AKAP19: variants seen among roughly 807,000 people sequenced by gnomAD.
The protein encoded by AKAP19 is A-kinase anchoring protein 19.
At chr2:189,990,316 T>G in the AKAP19 span, among the ~76,000 whole-genome samples, 1 of 152,198 alleles carries the variant, frequency 6.6e-6, no homozygotes, top group Admixed American at 6.5e-5. Context: ...TGATCAATCC[T>G]TTGCTCCTAT....
the AKAP19 span, among the ~76,000 whole-genome samples, chr2:190,134,917 T>C: frequency 6.6e-6 from 1 of 152,070 alleles, no homozygotes; most frequent in Non-Finnish European, 1.5e-5. Flanking sequence ...TTATTATATA[T>C]TCCTATAAGT....
the AKAP19 span, among the ~76,000 whole-genome samples, chr2:190,175,217 G>A: frequency 6.6e-6 from 1 of 152,162 alleles, no homozygotes; most frequent in Non-Finnish European, 1.5e-5. Context: ...ACTTCAAAAT[G>A]TACTTAAGTT....
At chr2:190,177,958 C>G in the AKAP19 span, among the ~76,000 whole-genome samples, 1 of 152,204 alleles carries the variant, frequency 6.6e-6, no homozygotes, top group Non-Finnish European at 1.5e-5. This position sits in a 1 kb window ranked among gnomAD's most constrained non-coding sequence, Gnocchi z 4.6. Flanking sequence ...CCACTAAACA[C>G]TTGCTACGGC....
chr2:189,917,624 C>A, the AKAP19 span: 1 of 339,234 alleles, frequency 2.9e-6, no homozygotes, highest in Non-Finnish European at 5.5e-6. Context: ...TCTTGTGAGA[C>A]CTTTTTCTTG....
the AKAP19 span, among the ~76,000 whole-genome samples, chr2:190,144,973 T>C: frequency 1.3e-5 from 2 of 151,598 alleles, no homozygotes; most frequent in Non-Finnish European, 2.9e-5. Flanking sequence ...AGTGAAACTG[T>C]CTCAAAAAAA....
chr2:190,153,973 C>T, the AKAP19 span, among the ~76,000 whole-genome samples: 49 of 152,176 alleles, frequency 3.2e-4, no homozygotes, highest in East Asian at 6.0e-3. Flanking sequence ...CTCTGTGAGA[C>T]GAGATGGGTA....
chr2:190,188,601 ATGAATCAAC>A, the AKAP19 span, among the ~76,000 whole-genome samples: 1,735 of 152,332 alleles, frequency 0.011, 39 homozygotes, highest in African/African-American at 0.04. Flanking sequence ...TTTCCTCCTT[ATGAATCAAC>A]TATCTTATTA....
the AKAP19 span, among the ~76,000 whole-genome samples, chr2:190,020,953 C>T: frequency 1.3e-5 from 2 of 152,154 alleles, no homozygotes; most frequent in African/African-American, 4.8e-5. Context: ...GTTATATTAG[C>T]ATAACCTTGT....
At chr2:190,138,016 A>G in the AKAP19 span, among the ~76,000 whole-genome samples, 168 of 108,938 alleles carry the variant, frequency 1.5e-3, no homozygotes, top group African/African-American at 5.0e-3. Flanking sequence ...ATTTTGAAAA[A>G]CCATTGACAT....
At chr2:190,044,427 T>C in the AKAP19 span, among the ~76,000 whole-genome samples, 27 of 152,282 alleles carry the variant, frequency 1.8e-4, no homozygotes, top group African/African-American at 5.8e-4. Flanking sequence ...TGGAGTCTCC[T>C]TGGGTTAACT....
the AKAP19 span, among the ~76,000 whole-genome samples, chr2:190,052,918 A>G: frequency 6.6e-6 from 1 of 152,214 alleles, no homozygotes; most frequent in Admixed American, 6.5e-5. Context: ...TATACTAGTG[A>G]ATAATATTTT....
chr2:190,189,058 A>T, the AKAP19 span, among the ~76,000 whole-genome samples: 1 of 152,190 alleles, frequency 6.6e-6, no homozygotes. Context: ...TTTGAGAACT[A>T]GTCCTGGGGT....
the AKAP19 span, among the ~76,000 whole-genome samples, chr2:189,990,909 C>G: frequency 1.3e-5 from 2 of 152,096 alleles, no homozygotes; most frequent in Non-Finnish European, 2.9e-5. Context: ...CACTCTTATG[C>G]CTTTGCATCC....
chr2:190,189,084 C>A, the AKAP19 span, among the ~76,000 whole-genome samples: 1 of 152,124 alleles, frequency 6.6e-6, no homozygotes, highest in Non-Finnish European at 1.5e-5. Flanking sequence ...TACCCAGAGA[C>A]CTGTTTGGGA....
chr2:189,880,924 T>G, the AKAP19 span, among the ~76,000 whole-genome samples: 4 of 152,216 alleles, frequency 2.6e-5, no homozygotes, highest in African/African-American at 9.7e-5. Flanking sequence ...CCAATGTTCA[T>G]GGATTTATAG....
At chr2:190,199,602 G>GGAAGAAATC in the AKAP19 span, 1 of 627,972 alleles carries the variant, frequency 1.6e-6, no homozygotes, top group Non-Finnish European at 2.3e-6. Context: ...TTTCTTCCAT[G>GGAAGAAATC]TGACCAAAGT....
At chr2:190,036,007 G>A in the AKAP19 span, among the ~76,000 whole-genome samples, 8 of 152,132 alleles carry the variant, frequency 5.3e-5, no homozygotes, top group Non-Finnish European at 1.2e-4. Flanking sequence ...TCAAAGTAGT[G>A]CACTATTTCA....
At chr2:189,943,352 G>A in the AKAP19 span, among the ~76,000 whole-genome samples, 1 of 152,242 alleles carries the variant, frequency 6.6e-6, no homozygotes, top group African/African-American at 2.4e-5. Context: ...ACCCTTGGCA[G>A]CTTCCACATG....
At chr2:190,061,290 C>A in the AKAP19 span, among the ~76,000 whole-genome samples, 23 of 152,084 alleles carry the variant, frequency 1.5e-4, no homozygotes, top group East Asian at 1.9e-3. Context: ...ACAGGTAACA[C>A]AAAATTTTTC....
Sources: gnomAD v4.1 joint callset for allele counts (sites outside exome capture counted in the v4.1 genomes callset) on GRCh38, gnomAD v4.1.1 for gene constraint, Gnocchi (gnomAD v3.1) non-coding constraint, MANE v1.5 for transcripts, NCBI Gene and HGNC (gene_info 2026-07-23, HGNC 2026-07-21) for gene names.